Variants in GAL3ST2 observed in about 807,000 individuals in gnomAD.
GAL3ST2 encodes beta-galactose-3-O-sulfotransferase 2.
GAL3ST2 carries 16 observed loss-of-function variants against 12.9 expected under a neutral mutation model. The observed-to-expected ratio is 1.24, with a 90% CI of 0.84 to 1.88. The LOEUF (loss-of-function observed/expected upper bound fraction) is 1.88, where lower values mean the gene tolerates loss of function less well. Among genes scored for constraint, GAL3ST2 ranks in the 40% most tolerant of loss-of-function variants. The pLI is 0.00. For missense variants in GAL3ST2, 639 were observed against 571.8 expected (o/e 1.12, Z -1.20); for synonymous variants, 302 against 273.9 (o/e 1.10, Z -1.01).
intron 1 of GAL3ST2, among the ~76,000 whole-genome samples, chr2:241,777,328 C>G (rs964035295): frequency 2.6e-5 from 4 of 152,194 alleles, no homozygotes; most frequent in African/African-American, 4.8e-5. Flanking sequence ...CAGCCTCGGT[C>G]TGCGGCTCAG....
rs1699795007 is a variant in GAL3ST2, at chr2:241,798,081, T to TGATGGGGGGCTTTGCCCAGAG, written c.30-975_30-955dup. Among the ~76,000 whole-genome samples the TGATGGGGGGCTTTGCCCAGAG allele has an allele frequency of 3.3e-5, 5 of 152,176 alleles. No homozygotes were observed. In the South Asian group the frequency reaches 6.2e-4, roughly 19 times the overall value. The stretch of plus-strand genomic sequence containing the variant: ...GAGGGGCCCCTTGGCTGCTCTGTAC[T>TGATGGGGGGCTTTGCCCAGAG]GATGGGGGGCTTTGCCCAGAGGATG... On this transcript the variant is annotated intron_variant, in intron 1 of 3. Coordinates refer to ENST00000192314, the MANE Select transcript of GAL3ST2 (RefSeq NM_022134.3).
chr2:241,778,087 C>T (rs1161535405), intron 1 of GAL3ST2, among the ~76,000 whole-genome samples: 6 of 152,194 alleles, frequency 3.9e-5, no homozygotes, highest in Admixed American at 1.3e-4. Context: ...GCTTTGGCTC[C>T]GGGTGTCCCA....
Position 241,795,227 on chromosome 2 carries a change from A to G in GAL3ST2, c.30-3838A>G, listed in dbSNP as rs959085492. On this transcript the variant is annotated intron_variant, in intron 1 of 3. Transcript: ENST00000192314. The surrounding 1 kb of genome is among the most constrained non-coding windows in gnomAD (Gnocchi z 4.5). ...CGGTTGCTCCAACACTGACCACCCT[A>G]CCTGACCCCTGCAGGTGTGGGACCA... Among the ~76,000 whole-genome samples the G allele has an allele frequency of 1.3e-5, 2 of 152,110 alleles. No homozygotes were observed. The highest frequency in any genetic ancestry group is 2.9e-5 in the Non-Finnish European group (2 of 68,014).
Position 241,803,949 on chromosome 2 carries a change from C to G in GAL3ST2, c.980C>G (p.Ala327Gly), listed in dbSNP as rs1367064656. 6.8e-7 allele frequency: 1 copy of G among 1,470,172 alleles called. No individual in the cohort carries two copies. Among genetic ancestry groups the G allele is most frequent in the East Asian group, 2.9e-5 (1 of 34,546 alleles). 91.1% of individuals were successfully genotyped at this position (1,470,172 alleles called of 1,614,324 possible). A position where few individuals can be genotyped will look rare whatever the true frequency, so the allele number is the denominator to read the frequency against. ...AGCCTGTGCCTGCAGGACGGCGGCG[C>G]GCTCAAGAACCACACGCAGATCAGA... is the stretch of plus-strand genomic sequence containing the variant. ...LASLCLQDGG[A>G]LKNHTQIRDP... Residue 327 changes from alanine to glycine, a missense_variant, in exon 4 of 4, where the codon GCG becomes GGG. By Grantham distance (60) the Ala-to-Gly change is moderately conservative (BLOSUM62 0). Transcript: ENST00000192314.
At chr2:241,792,453 T>A (rs1231785137) in intron 1 of GAL3ST2, among the ~76,000 whole-genome samples, 2 of 152,170 alleles carry the variant, frequency 1.3e-5, no homozygotes, top group African/African-American at 2.4e-5. Flanking sequence ...TTTTCATACA[T>A]AAGCCACTTT....
intron 1 of GAL3ST2, 146 bp downstream of exon 1, chr2:241,777,130 A>C (rs1575359451): frequency 1.3e-6 from 1 of 741,272 alleles, no homozygotes; most frequent in Non-Finnish European, 1.9e-6. Context: ...CCCTGAATTC[A>C]CCTGTCTTGG....
chr2:241,781,828 A>T (rs1335793532), intron 1 of GAL3ST2, among the ~76,000 whole-genome samples: 3 of 152,238 alleles, frequency 2.0e-5, no homozygotes. Context: ...GACGTAATTT[A>T]TAATTTGATT....
intron 1 of GAL3ST2, among the ~76,000 whole-genome samples, chr2:241,790,227 C>T (rs1699678900): frequency 6.6e-6 from 1 of 152,034 alleles, no homozygotes; most frequent in African/African-American, 2.4e-5. Flanking sequence ...GGGATTGTGG[C>T]ATTAGAATAG....
chr2:241,801,817 C>T lies in GAL3ST2; in HGVS notation c.156C>T (p.Thr52=). The T allele has an allele frequency of 1.2e-6, 2 of 1,612,876 alleles. No homozygotes were observed. The highest frequency in any genetic ancestry group is 1.1e-5 in the South Asian group (1 of 91,086). Residue 52 remains threonine, a synonymous_variant, in exon 3 of 4, where the codon ACC becomes ACT. Transcript: ENST00000192314. The surrounding 1 kb of genome is among the most constrained non-coding windows in gnomAD (Gnocchi z 4.4). ...FGGQAEGPPV[T]NIMFLKTHKT... ...GCCAGGCTGAGGGGCCGCCGGTCACCAACATCATGTTCCTGAAGACGCACA... is the reference window on the plus strand; with the variant it reads ...GCCAGGCTGAGGGGCCGCCGGTCACTAACATCATGTTCCTGAAGACGCACA...
chr2:241,780,747 A>G (rs1699556679), intron 1 of GAL3ST2, among the ~76,000 whole-genome samples: 1 of 152,240 alleles, frequency 6.6e-6, no homozygotes. Context: ...AGCTGAGCCC[A>G]GCCACGAATT....
intron 1 of GAL3ST2, among the ~76,000 whole-genome samples, chr2:241,790,785 A>T (rs568915423): frequency 6.6e-6 from 1 of 152,218 alleles, no homozygotes; most frequent in African/African-American, 2.4e-5. Context: ...GAGATAATCA[A>T]TTAAGAGCCA....
chr2:241,776,833 C>A lies in GAL3ST2; in HGVS notation c.-123C>A. ...CTTCTGGGGATTCCAGTTCACCTGC[C>A]CCACAGCCGCACCCTGCCTGTGCCT... On this transcript the variant is annotated 5_prime_UTR_variant, in exon 1 of 4. Transcript: ENST00000192314. 5.3e-6 allele frequency: 4 copies of A among 757,222 alleles called. No individual in the cohort carries two copies. The highest frequency in any genetic ancestry group is 5.6e-6 in the Non-Finnish European group (3 of 531,938). The allele number at this position is 757,222 out of a possible 1,614,324, so 46.9% of individuals were successfully genotyped here.
intron 1 of GAL3ST2, among the ~76,000 whole-genome samples, chr2:241,784,120 G>A (rs1405271142): frequency 2.7e-5 from 4 of 149,754 alleles, no homozygotes; most frequent in East Asian, 3.9e-4. Flanking sequence ...TGCAACCTCC[G>A]TCTCCCGGGT....
chr2:241,801,455 A>T lies in GAL3ST2; in HGVS notation c.120-326A>T. 4 of 400,366 alleles carry T rather than the reference A, an allele frequency of 1.0e-5. No homozygotes were observed. Among genetic ancestry groups the T allele is most frequent in the African/African-American group, 2.1e-5 (1 of 48,352 alleles). The allele number at this position is 400,366 out of a possible 1,614,324, so 24.8% of individuals were successfully genotyped here. ...CCCATCCCATCACTGCTGGGAACTC[A>T]GTTTTAAGGTGGGTCTGGGGTCCCC... is the stretch of plus-strand genomic sequence containing the variant. On this transcript the variant is annotated intron_variant, in intron 2 of 3. Coordinates refer to ENST00000192314, the MANE Select transcript of GAL3ST2 (RefSeq NM_022134.3). This position sits in a 1 kb window ranked among gnomAD's most constrained non-coding sequence, Gnocchi z 4.4.
chr2:241,794,060 C>T (rs753114894), intron 1 of GAL3ST2, among the ~76,000 whole-genome samples: 12 of 152,138 alleles, frequency 7.9e-5, no homozygotes, highest in Admixed American at 2.6e-4. Context: ...GATCCTCCTG[C>T]ATCAGCCTCT....
rs376597256 is a variant in GAL3ST2, at chr2:241,803,968, G to A, written c.999G>A (p.Gln333=). The A allele has an allele frequency of 6.7e-5, 102 of 1,532,918 alleles. No homozygotes were observed. In the Middle Eastern group the frequency reaches 6.9e-4, roughly 10 times the overall value. 95.0% of individuals were successfully genotyped at this position (1,532,918 alleles called of 1,614,324 possible). A position where few individuals can be genotyped will look rare whatever the true frequency, so the allele number is the denominator to read the frequency against. The change falls in exon 4 of 4, where the codon CAG becomes CAA. Residue 333 remains glutamine, a synonymous_variant. Transcript: ENST00000192314. ...QDGGALKNHT[Q]IRDPRLRPYQ... is the part of the protein sequence containing the mutation. ...GCGGCGCGCTCAAGAACCACACGCAGATCAGAGACCCGCGCCTGCGCCCCT... is the reference window on the plus strand; with the variant it reads ...GCGGCGCGCTCAAGAACCACACGCAAATCAGAGACCCGCGCCTGCGCCCCT...
chr2:241,788,820 T>A (rs1699658807), intron 1 of GAL3ST2, among the ~76,000 whole-genome samples: 1 of 152,014 alleles, frequency 6.6e-6, no homozygotes, highest in Admixed American at 6.5e-5. Context: ...CTGAGACTCA[T>A]AAGAGGGCAG....
rs1289176538 is a variant in GAL3ST2, at chr2:241,802,316, T to C, written c.375+280T>C. On this transcript the variant is annotated intron_variant, in intron 3 of 3. Coordinates refer to ENST00000192314, the MANE Select transcript of GAL3ST2 (RefSeq NM_022134.3). The surrounding 1 kb of genome is among the most constrained non-coding windows in gnomAD (Gnocchi z 4.8). ...CTCCCCCGCTTCTCTGGCCTCCTAG[T>C]TGTGCACAGGCCCGGCTCTCCCCAC... is the stretch of plus-strand genomic sequence containing the variant. Among the ~76,000 whole-genome samples the C allele has an allele frequency of 3.3e-5, 5 of 152,180 alleles. No individual in the cohort carries two copies. The highest frequency in any genetic ancestry group is 7.4e-5 in the Non-Finnish European group (5 of 68,026).
Position 241,802,849 on chromosome 2 carries a change from G to A in GAL3ST2, c.376-496G>A, listed in dbSNP as rs1699871411. Among the ~76,000 whole-genome samples the A allele has an allele frequency of 6.6e-6, 1 of 152,192 alleles. No homozygotes were observed. Among genetic ancestry groups the A allele is most frequent in the Admixed American group, 6.5e-5 (1 of 15,288 alleles). On this transcript the variant is annotated intron_variant, in intron 3 of 3. Coordinates refer to ENST00000192314, the MANE Select transcript of GAL3ST2 (RefSeq NM_022134.3). The surrounding 1 kb of genome is among the most constrained non-coding windows in gnomAD (Gnocchi z 4.8). ...GCGAGGGTGAGTCCAGACCCACCCT[G>A]TGGGGAACCTGGGTCACGGACCTTC...
Sources: gnomAD v4.1 joint callset for allele counts (sites outside exome capture counted in the v4.1 genomes callset) on GRCh38, gnomAD v4.1.1 for gene constraint, Gnocchi (gnomAD v3.1) non-coding constraint, MANE v1.5 for transcripts, NCBI Gene and HGNC (gene_info 2026-07-23, HGNC 2026-07-21) for gene names.